SLC6A11: variants seen among roughly 807,000 people sequenced by gnomAD.
The protein encoded by SLC6A11 is solute carrier family 6 member 11.
In SLC6A11, 25 loss-of-function variants were observed where a neutral mutation model predicts 74.8. That is an observed-to-expected ratio of 0.33 (90% confidence interval 0.24 to 0.47). The LOEUF (loss-of-function observed/expected upper bound fraction) is 0.47. SLC6A11 is among the 20% of genes least tolerant of loss of function. The pLI is 1.00. For missense variants in SLC6A11, 574 were observed against 837.0 expected (o/e 0.69, Z 3.88); for synonymous variants, 330 against 330.2 (o/e 1.00, Z 0.01).
Position 10,867,990 on chromosome 3 carries a change from T to C in SLC6A11, c.757-6971T>C, listed in dbSNP as rs546107866. 4.6e-5 allele frequency among the ~76,000 whole-genome samples: 7 copies of C among 152,360 alleles called. No individual in the cohort carries two copies. In the South Asian group the frequency reaches 8.3e-4, roughly 18 times the overall value. On this transcript the variant is annotated intron_variant, in intron 5 of 13. Coordinates refer to ENST00000254488, the MANE Select transcript of SLC6A11 (RefSeq NM_014229.3). ...GTGGTAATTCACAGTTTTCTCATTA[T>C]GTATATTTGTTTAATATAAAAGAGT... is the stretch of plus-strand genomic sequence containing the variant.
intron 6 of SLC6A11, among the ~76,000 whole-genome samples, chr3:10,875,874 C>T (rs1255191423): frequency 6.6e-6 from 1 of 152,190 alleles, no homozygotes; most frequent in Non-Finnish European, 1.5e-5. Flanking sequence ...CCCTAATTCC[C>T]AGAGCATAAC....
At chr3:10,929,393 CCCAGCTCTAAAAGTGA>C (rs1695653583) in intron 10 of SLC6A11, 54 bp downstream of exon 10, 6 of 1,596,200 alleles carry the variant, frequency 3.8e-6, no homozygotes, top group Non-Finnish European at 4.3e-6. Context: ...GACGTCAACT[CCCAGCTCTAAAAGTGA>C]CCAGCTGTGT....
chr3:10,824,031 C>T (rs1465323103), intron 4 of SLC6A11: 1 of 152,670 alleles, frequency 6.6e-6, no homozygotes, highest in African/African-American at 2.4e-5. Context: ...TGGGCATTTT[C>T]CCAGAAATTG....
intron 5 of SLC6A11, among the ~76,000 whole-genome samples, chr3:10,864,770 G>A (rs1694743990): frequency 6.6e-6 from 1 of 152,206 alleles, no homozygotes; most frequent in South Asian, 2.1e-4. Flanking sequence ...TGGCCGCTCT[G>A]GCTGATTCCC....
chr3:10,878,015 A>G (rs905544718), intron 6 of SLC6A11, among the ~76,000 whole-genome samples: 1 of 152,162 alleles, frequency 6.6e-6, no homozygotes, highest in Non-Finnish European at 1.5e-5. Context: ...CCCACTGGAA[A>G]ACTGTAGTAG....
chr3:10,818,283 A>G (rs970780469), intron 1 of SLC6A11, among the ~76,000 whole-genome samples: 1 of 152,134 alleles, frequency 6.6e-6, no homozygotes, highest in Admixed American at 6.5e-5. Flanking sequence ...TTCACAGGTA[A>G]ATAACAGCAT....
chr3:10,886,996 A>G (rs1164388557), intron 6 of SLC6A11, among the ~76,000 whole-genome samples: 10 of 152,216 alleles, frequency 6.6e-5, no homozygotes. Flanking sequence ...ATCCGCTGTG[A>G]ACTTCTCAGC....
chr3:10,854,619 G>A (rs913266343), intron 5 of SLC6A11, among the ~76,000 whole-genome samples: 7 of 152,044 alleles, frequency 4.6e-5, no homozygotes, highest in East Asian at 1.9e-4. Flanking sequence ...TCCCCCTCCC[G>A]CCTTTTATAA....
At chr3:10,817,538 G>T (rs1694079483) in intron 1 of SLC6A11, among the ~76,000 whole-genome samples, 1 of 152,194 alleles carries the variant, frequency 6.6e-6, no homozygotes, top group Non-Finnish European at 1.5e-5. Context: ...CTCGAAGGAA[G>T]AGCCTGTATC....
intron 13 of SLC6A11, among the ~76,000 whole-genome samples, chr3:10,937,739 T>C (rs1695774947): frequency 6.6e-6 from 1 of 152,168 alleles, no homozygotes; most frequent in Non-Finnish European, 1.5e-5. Context: ...ATAATGCTTC[T>C]ACCTTTGAGC....
chr3:10,819,311 C>T lies in SLC6A11; in HGVS notation c.257-154C>T, dbSNP rs111664734. 9.2e-5 allele frequency among the ~76,000 whole-genome samples: 14 copies of T among 152,246 alleles called. 1 individual carries two copies. The highest frequency in any genetic ancestry group is 1.4e-4 in the African/African-American group (6 of 41,550). On this transcript the variant is annotated intron_variant, in intron 1 of 13. Coordinates refer to ENST00000254488, the MANE Select transcript of SLC6A11 (RefSeq NM_014229.3). ...GTGAGGTAGACTTACAGAAACCTAG[C>T]GCTGTTTTCTGACTCTGGTCTTCAT... is the stretch of plus-strand genomic sequence containing the variant.
chr3:10,927,815 T>C (rs1161296187), intron 9 of SLC6A11, among the ~76,000 whole-genome samples: 1 of 152,168 alleles, frequency 6.6e-6, no homozygotes, highest in Non-Finnish European at 1.5e-5. Flanking sequence ...AAACACCTTT[T>C]CTGGGGAGGC....
At position 10,935,163 on chromosome 3, in the gene SLC6A11, C is replaced by T. The variant is rs997141704; in HGVS notation, c.1710C>T (p.Cys570=). 5 of 1,614,098 alleles carry T rather than the reference C, an allele frequency of 3.1e-6. No individual in the cohort carries two copies. Among genetic ancestry groups the T allele is most frequent in the Non-Finnish European group, 4.2e-6 (5 of 1,180,040 alleles). The change falls in exon 13 of 14, where the codon TGC becomes TGT. Residue 570 remains cysteine, a synonymous_variant. Coordinates refer to ENST00000254488, the MANE Select transcript of SLC6A11 (RefSeq NM_014229.3). The part of the protein sequence containing the change: ...SSMLCIPLWI[C]ITVWKTEGTL... ...TGCTCTGCATCCCGCTCTGGATCTG[C>T]ATCACAGTGTGGAAGACGGAGGGGA...
intron 4 of SLC6A11, chr3:10,824,273 T>G (rs1694175785): frequency 6.6e-6 from 1 of 152,212 alleles, no homozygotes; most frequent in Non-Finnish European, 1.5e-5. Flanking sequence ...AAGTTTCCTG[T>G]ATGGGTCAAA....
chr3:10,902,125 G>T (rs1369334282), intron 6 of SLC6A11, among the ~76,000 whole-genome samples: 1 of 152,046 alleles, frequency 6.6e-6, no homozygotes, highest in Non-Finnish European at 1.5e-5. Context: ...CTGTTTGAAA[G>T]AAAATGTAGA....
chr3:10,930,252 C>T (rs1289852043), intron 10 of SLC6A11, among the ~76,000 whole-genome samples: 2 of 151,890 alleles, frequency 1.3e-5, no homozygotes, highest in Admixed American at 6.5e-5. Flanking sequence ...CCCCCAGCTC[C>T]TAGCACTTTG....
chr3:10,816,588 G>T lies in SLC6A11; in HGVS notation c.256+67G>T. On this transcript the variant is annotated intron_variant, in intron 1 of 13. Coordinates refer to ENST00000254488, the MANE Select transcript of SLC6A11 (RefSeq NM_014229.3). This position sits in a 1 kb window ranked among gnomAD's most constrained non-coding sequence, Gnocchi z 4.2. ...CCGGTGGGGGCGGGGAGCCAGGGGCGAGCGCGAGACCCCCTCCCGCGCCTG... is the reference window on the plus strand; with the variant it reads ...CCGGTGGGGGCGGGGAGCCAGGGGCTAGCGCGAGACCCCCTCCCGCGCCTG... The T allele has an allele frequency of 1.4e-6, 2 of 1,433,284 alleles. No homozygotes were observed. Among genetic ancestry groups the T allele is most frequent in the Non-Finnish European group, 1.9e-6 (2 of 1,077,676 alleles). The allele number at this position is 1,433,284 out of a possible 1,614,324, so 88.8% of individuals were successfully genotyped here. A position where few individuals can be genotyped will look rare whatever the true frequency, so the allele number is the denominator to read the frequency against.
chr3:10,909,577 C>A (rs1315284235), intron 6 of SLC6A11, among the ~76,000 whole-genome samples: 3 of 152,162 alleles, frequency 2.0e-5, no homozygotes, highest in African/African-American at 7.2e-5. Context: ...CTCACTCTGG[C>A]CTGCACACTC....
chr3:10,929,694 C>G (rs1020560793), intron 10 of SLC6A11, among the ~76,000 whole-genome samples: 3 of 152,192 alleles, frequency 2.0e-5, no homozygotes, highest in East Asian at 3.8e-4. Flanking sequence ...GCCCCTACAG[C>G]ATTTACCTAT....
Sources: allele counts gnomAD v4.1 joint callset (sites outside exome capture counted in the v4.1 genomes callset), GRCh38; gene constraint gnomAD v4.1.1; non-coding constraint Gnocchi (gnomAD v3.1); transcripts MANE v1.5; gene names NCBI Gene and HGNC (gene_info 2026-07-23, HGNC 2026-07-21).